The following SIAH3 variants were observed in gnomAD, a reference collection of about 807,000 sequenced individuals.
SIAH3 encodes the protein siah E3 ubiquitin protein ligase family member 3.
Under a neutral mutation model 12.6 loss-of-function variants are expected in SIAH3, and 9 were observed. The observed-to-expected ratio is 0.72, with a 90% CI of 0.43 to 1.25. SIAH3 has a LOEUF of 1.25. SIAH3 is among the 50% of genes most tolerant of loss of function. SIAH3 has a pLI of 0.00. For synonymous variants in SIAH3, 154 were observed against 151.1 expected (o/e 1.02, Z -0.14); for missense variants, 390 against 365.4 (o/e 1.07, Z -0.55).
chr13:45,789,893 T>A (rs1255774899), intron 1 of SIAH3, among the ~76,000 whole-genome samples: 1 of 152,126 alleles, frequency 6.6e-6, no homozygotes, highest in African/African-American at 2.4e-5. Flanking sequence ...CTTCCACAAA[T>A]GTTTTGGTTG....
intron 1 of SIAH3, among the ~76,000 whole-genome samples, chr13:45,824,334 T>C (rs1044137613): frequency 7.2e-5 from 11 of 152,206 alleles, no homozygotes; most frequent in Non-Finnish European, 1.5e-4. Context: ...GTAAGTTAGA[T>C]TGAATGTAGT....
chr13:45,794,278 G>A (rs1950555570), intron 1 of SIAH3, among the ~76,000 whole-genome samples: 2 of 151,574 alleles, frequency 1.3e-5, no homozygotes, highest in East Asian at 1.9e-4. Context: ...GAAACACTGA[G>A]TCTACACACA....
Position 45,792,900 on chromosome 13 carries a change from A to G in SIAH3, c.136-8843T>C, listed in dbSNP as rs1950550787. On this transcript the variant is annotated intron_variant, in intron 1 of 1. Transcript: ENST00000400405. The stretch of plus-strand genomic sequence containing the variant: ...TTGAGTGTGCTAATGAGTCTAATCA[A>G]TCTTGTAGATGAAAGACTTTTTCTT... Among the ~76,000 whole-genome samples the G allele has an allele frequency of 2.0e-5, 3 of 152,206 alleles. No individual in the cohort carries two copies. In the South Asian group the frequency reaches 6.2e-4, roughly 32 times the overall value.
intron 1 of SIAH3, among the ~76,000 whole-genome samples, chr13:45,816,799 G>A (rs182209732): frequency 2.6e-5 from 4 of 152,290 alleles, no homozygotes; most frequent in African/African-American, 9.6e-5. Flanking sequence ...AACAGCCCAC[G>A]GTAACTACAT....
At chr13:45,830,815 G>A (rs1308714932) in intron 1 of SIAH3, among the ~76,000 whole-genome samples, 2 of 119,350 alleles carry the variant, frequency 1.7e-5, no homozygotes, top group Admixed American at 1.0e-4. Flanking sequence ...GGTCCTAGAA[G>A]GTGAGAAAGT....
At chr13:45,808,012 T>C (rs1478592499) in intron 1 of SIAH3, among the ~76,000 whole-genome samples, 1 of 152,232 alleles carries the variant, frequency 6.6e-6, no homozygotes, top group Non-Finnish European at 1.5e-5. Context: ...TATCTGTAAA[T>C]CTGTATTTGT....
intron 1 of SIAH3, among the ~76,000 whole-genome samples, chr13:45,797,532 C>G (rs1016884504): frequency 6.6e-6 from 1 of 151,932 alleles, no homozygotes; most frequent in African/African-American, 2.4e-5. Context: ...TGCAGCTACC[C>G]AAGCCGCAAA....
intron 1 of SIAH3, among the ~76,000 whole-genome samples, chr13:45,801,561 TTA>T (rs753484215): frequency 2.6e-4 from 39 of 152,172 alleles, no homozygotes; most frequent in Non-Finnish European, 5.0e-4. Context: ...GTATTGAATA[TTA>T]TATGTTTTAT....
rs10578981 is a variant in SIAH3, at chr13:45,784,185, CAACAAACA to C, written c.136-136_136-129del. 2,602 of 696,252 alleles carry C rather than the reference CAACAAACA, an allele frequency of 3.7e-3. 38 individuals are homozygous for C. The highest frequency in any genetic ancestry group is 0.021 in the South Asian group (970 of 45,610). 43.1% of individuals were successfully genotyped at this position (696,252 alleles called of 1,614,324 possible). A position where few individuals can be genotyped will look rare whatever the true frequency, so the allele number is the denominator to read the frequency against. Reference sequence around the variant, plus strand: ...GGCTGAGAAAGGTTCATTTCTTAAACAACAAACAAACAAACAAACAAACAAACAAAACC... The same window carrying C: ...GGCTGAGAAAGGTTCATTTCTTAAACAACAAACAAACAAACAAACAAAACC... On this transcript the variant is annotated intron_variant, in intron 1 of 1. Coordinates refer to ENST00000400405, the MANE Select transcript of SIAH3 (RefSeq NM_198849.3).
At chr13:45,786,772 G>A (rs560664674) in intron 1 of SIAH3, among the ~76,000 whole-genome samples, 1 of 152,208 alleles carries the variant, frequency 6.6e-6, no homozygotes, top group East Asian at 1.9e-4. Context: ...CAGCAATCTG[G>A]GCTGAGTGCA....
At chr13:45,789,396 CTATCTATCTATCT>C (rs1416583858) in intron 1 of SIAH3, among the ~76,000 whole-genome samples, 3 of 40,552 alleles carry the variant, frequency 7.4e-5, no homozygotes, top group Admixed American at 3.2e-4. Flanking sequence ...ATCTATCTAT[CTATCTATCTATCT>C]ATCTATCTAT....
At chr13:45,820,565 A>G (rs1566093437) in intron 1 of SIAH3, among the ~76,000 whole-genome samples, 2 of 152,228 alleles carry the variant, frequency 1.3e-5, no homozygotes, top group Non-Finnish European at 2.9e-5. Context: ...GTGTGCAGAC[A>G]TATGGTACGG....
At chr13:45,787,364 A>G (rs1950531815) in intron 1 of SIAH3, among the ~76,000 whole-genome samples, 1 of 152,154 alleles carries the variant, frequency 6.6e-6, no homozygotes, top group Non-Finnish European at 1.5e-5. Flanking sequence ...ATCTTGTGCA[A>G]GGGGCTGAGA....
intron 1 of SIAH3, among the ~76,000 whole-genome samples, chr13:45,794,397 G>A (rs948474990): frequency 6.6e-6 from 1 of 152,108 alleles, no homozygotes; most frequent in Non-Finnish European, 1.5e-5. Context: ...AGAGCAAGAA[G>A]GCATAAGTGG....
chr13:45,803,093 A>G (rs1196335434), intron 1 of SIAH3, among the ~76,000 whole-genome samples: 1 of 151,056 alleles, frequency 6.6e-6, no homozygotes, highest in African/African-American at 2.4e-5. Flanking sequence ...GCAGCCGCAG[A>G]CTAGAAAGCC....
At chr13:45,789,529 C>T (rs1438165086) in intron 1 of SIAH3, among the ~76,000 whole-genome samples, 2 of 152,062 alleles carry the variant, frequency 1.3e-5, no homozygotes, top group Non-Finnish European at 2.9e-5. Context: ...GTCTCAGTTT[C>T]CTGAGTAGCT....
At chr13:45,812,649 G>T (rs1441782362) in intron 1 of SIAH3, among the ~76,000 whole-genome samples, 1 of 152,112 alleles carries the variant, frequency 6.6e-6, no homozygotes, top group Admixed American at 6.5e-5. Flanking sequence ...GCATATGGGT[G>T]CATAAATATA....
chr13:45,791,241 C>T (rs1950544825), intron 1 of SIAH3, among the ~76,000 whole-genome samples: 1 of 152,042 alleles, frequency 6.6e-6, no homozygotes, highest in Non-Finnish European at 1.5e-5. Context: ...TCATTGAGGG[C>T]AGAGGTTAAG....
At chr13:45,840,664 C>A (rs1323735120) in intron 1 of SIAH3, among the ~76,000 whole-genome samples, 2 of 152,128 alleles carry the variant, frequency 1.3e-5, no homozygotes, top group South Asian at 4.2e-4. Context: ...GGATTGCCCA[C>A]CCCGAGCCGG....
Sources: allele counts gnomAD v4.1 joint callset (sites outside exome capture counted in the v4.1 genomes callset), GRCh38; gene constraint gnomAD v4.1.1; transcripts MANE v1.5; gene names NCBI Gene and HGNC (gene_info 2026-07-23, HGNC 2026-07-21).